Variants in VAT1L observed in about 807,000 individuals in gnomAD.
VAT1L encodes the protein putative NADPH-dependent quinone oxidoreductase VAT1L.
In VAT1L, 34 loss-of-function variants were observed where a neutral mutation model predicts 44.1. The observed-to-expected ratio is 0.77, with a 90% CI of 0.59 to 1.03. The LOEUF (loss-of-function observed/expected upper bound fraction) is 1.03. VAT1L is among the 50% of genes least tolerant of loss of function. The pLI, the probability that VAT1L is intolerant of heterozygous loss-of-function variation, is 0.00. For missense variants in VAT1L, 615 were observed against 538.8 expected, an observed-to-expected ratio of 1.14 and a Z score of -1.40; for synonymous variants, 253 against 202.2, an observed-to-expected ratio of 1.25 and a Z score of -2.13.
rs141258063 is a variant in VAT1L, at chr16:77,865,261, G to A, written c.722+2371G>A. The stretch of plus-strand genomic sequence containing the variant: ...GTGCTGGTATTACAGGTGTGACTGC[G>A]CCCGGTCAGTTCTTCCTATCTTTAA... On this transcript the variant is annotated intron_variant, in intron 4 of 8. Coordinates refer to ENST00000302536, the MANE Select transcript of VAT1L (RefSeq NM_020927.3). 3.8e-4 allele frequency among the ~76,000 whole-genome samples: 58 copies of A among 152,124 alleles called. 1 individual carries two copies. The highest frequency in any genetic ancestry group is 3.4e-3 in the Middle Eastern group (1 of 294).
chr16:77,799,669 G>C (rs890444632), intron 1 of VAT1L, among the ~76,000 whole-genome samples: 1 of 152,100 alleles, frequency 6.6e-6, no homozygotes, highest in Non-Finnish European at 1.5e-5. Context: ...CAGCCATCAT[G>C]AGTGGATGCG....
At chr16:77,861,671 C>T (rs548952750) in intron 3 of VAT1L, among the ~76,000 whole-genome samples, 2 of 152,306 alleles carry the variant, frequency 1.3e-5, no homozygotes, top group African/African-American at 2.4e-5. Flanking sequence ...CTTAACATGC[C>T]GAAGGTTGCT....
chr16:77,937,819 G>A (rs2017821834), intron 7 of VAT1L, among the ~76,000 whole-genome samples: 1 of 152,202 alleles, frequency 6.6e-6, no homozygotes, highest in African/African-American at 2.4e-5. Context: ...GATAACCTGA[G>A]CCTTAAACTC....
chr16:77,887,298 G>A (rs2017218837), intron 7 of VAT1L, among the ~76,000 whole-genome samples: 1 of 152,190 alleles, frequency 6.6e-6, no homozygotes, highest in African/African-American at 2.4e-5. Context: ...AGCAGCAGGG[G>A]GCTGCTATAG....
Position 77,847,311 on chromosome 16 carries a change from A to T in VAT1L, c.580-15437A>T, listed in dbSNP as rs1317543846. On this transcript the variant is annotated intron_variant, in intron 3 of 8. Coordinates refer to ENST00000302536, the MANE Select transcript of VAT1L (RefSeq NM_020927.3). ...CAACCACTAAATAGTGGCCAAAAGC[A>T]GTAGGTGTATGAGAGGAGGAAGGGA... Among the ~76,000 whole-genome samples the T allele has an allele frequency of 3.9e-5, 6 of 152,170 alleles. No individual in the cohort carries two copies. The East Asian group carries it at 1.2e-3, about 29-fold the overall frequency.
chr16:77,854,517 T>C (rs2016838951), intron 3 of VAT1L, among the ~76,000 whole-genome samples: 1 of 152,228 alleles, frequency 6.6e-6, no homozygotes, highest in Non-Finnish European at 1.5e-5. Context: ...TCTGACTCTG[T>C]GTCTAAACCT....
At chr16:77,909,688 C>A (rs892211247) in intron 7 of VAT1L, among the ~76,000 whole-genome samples, 5 of 150,830 alleles carry the variant, frequency 3.3e-5, no homozygotes, top group Admixed American at 6.6e-5. Flanking sequence ...GTGCTGAGCA[C>A]TCTGCCTGTA....
At chr16:77,964,636 C>A (rs2018201944) in intron 7 of VAT1L, among the ~76,000 whole-genome samples, 2 of 152,164 alleles carry the variant, frequency 1.3e-5, no homozygotes, top group South Asian at 4.1e-4. Context: ...TCCTCAGGTT[C>A]TGGAGATTAG....
chr16:77,849,024 A>C (rs1023180448), intron 3 of VAT1L, among the ~76,000 whole-genome samples: 1 of 152,160 alleles, frequency 6.6e-6, no homozygotes, highest in Non-Finnish European at 1.5e-5. Flanking sequence ...GGAACATCAC[A>C]CACCAGGGCC....
At chr16:77,929,729 G>A (rs1259514778) in intron 7 of VAT1L, among the ~76,000 whole-genome samples, 1 of 152,170 alleles carries the variant, frequency 6.6e-6, no homozygotes, top group East Asian at 1.9e-4. Flanking sequence ...CATGAGGTAG[G>A]TGTTGGAATT....
At chr16:77,874,406 A>G (rs1375942074) in intron 4 of VAT1L, among the ~76,000 whole-genome samples, 1 of 152,008 alleles carries the variant, frequency 6.6e-6, no homozygotes, top group African/African-American at 2.4e-5. Context: ...CTGACCACCA[A>G]CCTGAAGCTC....
intron 1 of VAT1L, among the ~76,000 whole-genome samples, chr16:77,790,750 G>A (rs969073769): frequency 1.3e-5 from 2 of 152,106 alleles, no homozygotes; most frequent in Admixed American, 6.6e-5. Flanking sequence ...ATTCAGAGAG[G>A]GAAAATGATA....
chr16:77,816,309 C>T (rs2016353403), intron 1 of VAT1L, among the ~76,000 whole-genome samples: 2 of 152,280 alleles, frequency 1.3e-5, no homozygotes, highest in Non-Finnish European at 2.9e-5. Context: ...TTCATTTGAT[C>T]TCTCTTTGAG....
At chr16:77,835,737 G>A (rs560915338) in intron 3 of VAT1L, among the ~76,000 whole-genome samples, 22 of 152,144 alleles carry the variant, frequency 1.4e-4, no homozygotes, top group Non-Finnish European at 2.9e-4. Flanking sequence ...GCCAGGCGTG[G>A]TGGTGGATGC....
chr16:77,930,488 G>A (rs185439205), intron 7 of VAT1L, among the ~76,000 whole-genome samples: 27 of 152,274 alleles, frequency 1.8e-4, no homozygotes, highest in African/African-American at 6.5e-4. Context: ...ACGGAAGGAG[G>A]TGTGAGGTAG....
intron 7 of VAT1L, among the ~76,000 whole-genome samples, chr16:77,905,739 T>C (rs1229531309): frequency 6.6e-6 from 1 of 152,182 alleles, no homozygotes; most frequent in African/African-American, 2.4e-5. Flanking sequence ...TGTCTCTGAC[T>C]TTCATCACCT....
At chr16:77,952,145 T>C (rs1284323413) in intron 7 of VAT1L, among the ~76,000 whole-genome samples, 1 of 152,188 alleles carries the variant, frequency 6.6e-6, no homozygotes, top group African/African-American at 2.4e-5. Flanking sequence ...CCCAAGTCCT[T>C]GAGAAAGACA....
rs187046237 is a variant in VAT1L at position 77,951,173 on chromosome 16, C to A, written c.1078-20677C>A. On this transcript the variant is annotated intron_variant, in intron 7 of 8. Transcript: ENST00000302536. Reference sequence around the variant, plus strand: ...GTAAAGTCCAGACGGTATGCAACTCCACAAAGCTCAACAATGGGAGCTCTT... The same window carrying A: ...GTAAAGTCCAGACGGTATGCAACTCAACAAAGCTCAACAATGGGAGCTCTT... 2.4e-3 allele frequency among the ~76,000 whole-genome samples: 363 copies of A among 152,340 alleles called. 3 individuals carry two copies. Among genetic ancestry groups the A allele is most frequent in the Non-Finnish European group, 4.2e-3 (284 of 68,034 alleles).
At chr16:77,907,396 G>A (rs1339765617) in intron 7 of VAT1L, among the ~76,000 whole-genome samples, 2 of 152,102 alleles carry the variant, frequency 1.3e-5, no homozygotes, top group African/African-American at 2.4e-5. Flanking sequence ...AGATAACTGG[G>A]GAAAATCTCA....
Sources: allele counts gnomAD v4.1 joint callset (sites outside exome capture counted in the v4.1 genomes callset), GRCh38; gene constraint gnomAD v4.1.1; transcripts MANE v1.5; gene names NCBI Gene and HGNC (gene_info 2026-07-23, HGNC 2026-07-21).